Variants in BBS9 observed in about 807,000 individuals in gnomAD.
The protein encoded by BBS9 is protein PTHB1.
BBS9 carries 89 observed loss-of-function variants against 117.7 expected under a neutral mutation model. The ratio of observed to expected loss-of-function variants is 0.76; its 90% CI spans 0.64 to 0.90. BBS9 has a LOEUF of 0.90. Among genes scored for constraint, BBS9 ranks in the 40% least tolerant of loss-of-function variants. The probability of loss-of-function intolerance (pLI) is 0.00; values close to 1 mark genes in which losing one functional copy is unlikely to be tolerated. For missense variants in BBS9, 982 were observed against 1,042.2 expected, an observed-to-expected ratio of 0.94 and a Z score of 0.80; for synonymous variants, 379 against 370.9, an observed-to-expected ratio of 1.02 and a Z score of -0.25.
chr7:33,374,545 AGT>A (rs1823451703), intron 17 of BBS9, among the ~76,000 whole-genome samples: 1 of 152,204 alleles, frequency 6.6e-6, no homozygotes, highest in South Asian at 2.1e-4. Context: ...CCTGTTGAAA[AGT>A]AAGCGTTGAG....
In BBS9 at chr7:33,147,604, C is replaced by T. The variant is rs146552700; in HGVS notation, c.112+1240C>T. Among the ~76,000 whole-genome samples, 97 of 152,282 alleles carry T rather than the reference C, an allele frequency of 6.4e-4. No homozygotes were observed. In the East Asian group the frequency reaches 0.018, roughly 29 times the overall value. ...CCGCTATTTGTTAAAGCATGTGATG[C>T]CCCAGTTATTTGGCCATGTAAGAGT... is the stretch of plus-strand genomic sequence containing the variant. On this transcript the variant is annotated intron_variant, in intron 2 of 22. Coordinates refer to ENST00000242067, the MANE Select transcript of BBS9 (RefSeq NM_198428.3).
chr7:33,340,796 G>T, intron 10 of BBS9, 101 bp from the exon 11 acceptor site: 3 of 915,150 alleles, frequency 3.3e-6, no homozygotes, highest in Non-Finnish European at 5.0e-6. Flanking sequence ...GTATGTTTAT[G>T]GGGTTTTTTT....
At chr7:33,420,086 C>A (rs549237865) in intron 19 of BBS9, among the ~76,000 whole-genome samples, 8 of 152,224 alleles carry the variant, frequency 5.3e-5, no homozygotes, top group Middle Eastern at 3.4e-3. Flanking sequence ...TTATTAATAA[C>A]TGAGATGGGA....
rs150348817 is a variant in BBS9 at position 33,508,609 on chromosome 7, C to T, written c.2298+2964C>T. Reference sequence around the variant, plus strand: ...TGCATATATCTTCCCTTTTTATACACGTGCTTCATTGCTCCATCAGAGTTC... The same window carrying T: ...TGCATATATCTTCCCTTTTTATACATGTGCTTCATTGCTCCATCAGAGTTC... On this transcript the variant is annotated intron_variant, in intron 20 of 22. Transcript: ENST00000242067. 1.1e-3 allele frequency among the ~76,000 whole-genome samples: 173 copies of T among 152,332 alleles called. 1 individual carries two copies. The highest frequency in any genetic ancestry group is 3.4e-3 in the African/African-American group (140 of 41,586).
At chr7:33,357,394 A>C (rs1026835141) in intron 15 of BBS9, among the ~76,000 whole-genome samples, 1 of 151,764 alleles carries the variant, frequency 6.6e-6, no homozygotes, top group Admixed American at 6.6e-5. Context: ...AAAAAAGCTA[A>C]AGATTTAAAA....
chr7:33,130,715 T>A (rs935066202), intron 1 of BBS9, among the ~76,000 whole-genome samples: 3 of 152,032 alleles, frequency 2.0e-5, no homozygotes, highest in Non-Finnish European at 4.4e-5. Context: ...GAGATTTTTT[T>A]CATGAATATA....
chr7:33,238,398 C>T (rs991889993), intron 5 of BBS9, among the ~76,000 whole-genome samples: 8 of 152,242 alleles, frequency 5.3e-5, no homozygotes, highest in African/African-American at 1.7e-4. Flanking sequence ...TCAAGCAATT[C>T]TCCTGCCTCA....
chr7:33,340,818 T>C (rs1230364374), intron 10 of BBS9, 79 bp from the exon 11 acceptor site: 1 of 1,258,190 alleles, frequency 7.9e-7, no homozygotes, highest in Non-Finnish European at 1.1e-6. Context: ...ATATGTGGTA[T>C]AGACAAACCT....
chr7:33,558,833 A>G (rs1855668055), intron 21 of BBS9, among the ~76,000 whole-genome samples: 2 of 152,234 alleles, frequency 1.3e-5, no homozygotes, highest in South Asian at 2.1e-4. Flanking sequence ...GGCTACAGCA[A>G]TAACATTTGA....
chr7:33,445,069 GGAA>G (rs1268104816), intron 19 of BBS9, among the ~76,000 whole-genome samples: 1 of 152,076 alleles, frequency 6.6e-6, no homozygotes, highest in Non-Finnish European at 1.5e-5. Context: ...AGAAAGGAGA[GGAA>G]GAAGAAGAGG....
At chr7:33,476,580 C>G (rs1841831660) in intron 19 of BBS9, among the ~76,000 whole-genome samples, 1 of 152,192 alleles carries the variant, frequency 6.6e-6, no homozygotes, top group Non-Finnish European at 1.5e-5. Flanking sequence ...CTCCCAGTAT[C>G]CCTCCAGCCT....
chr7:33,437,880 A>G lies in BBS9; in HGVS notation c.2115+49736A>G, dbSNP rs1435685074. ...AACAGAGTGAGACTCCGTTGCAAAA[A>G]CAAAACAAATAAAAACCCCACAGCT... On this transcript the variant is annotated intron_variant, in intron 19 of 22. Transcript: ENST00000242067. 2.0e-5 allele frequency among the ~76,000 whole-genome samples: 3 copies of G among 152,318 alleles called. No individual in the cohort carries two copies. The East Asian group carries it at 5.8e-4, about 29-fold the overall frequency.
At chr7:33,562,769 C>A (rs1290076430) in intron 21 of BBS9, among the ~76,000 whole-genome samples, 1 of 151,962 alleles carries the variant, frequency 6.6e-6, no homozygotes, top group Non-Finnish European at 1.5e-5. Flanking sequence ...ACTAAAAATA[C>A]AAAAATTAGC....
chr7:33,164,367 T>A (rs1485004768), intron 4 of BBS9, among the ~76,000 whole-genome samples: 1 of 152,206 alleles, frequency 6.6e-6, no homozygotes, highest in African/African-American at 2.4e-5. Flanking sequence ...ACAGCTGAGT[T>A]CAAGTCCTGG....
In BBS9 at chr7:33,301,833, G is replaced by T. The variant is rs1008710427; in HGVS notation, c.1016+27877G>T. 1.5e-4 allele frequency among the ~76,000 whole-genome samples: 23 copies of T among 152,128 alleles called. 1 individual carries two copies. Among genetic ancestry groups the T allele is most frequent in the African/African-American group, 5.5e-4 (23 of 41,540 alleles). The stretch of plus-strand genomic sequence containing the variant: ...GGATCTTATGGTAGCTCTATTTTTA[G>T]TTTTTTGAGGAACCTCCAAACTGCT... On this transcript the variant is annotated intron_variant, in intron 9 of 22. Coordinates refer to ENST00000242067, the MANE Select transcript of BBS9 (RefSeq NM_198428.3).
chr7:33,526,535 C>T (rs1451144739), intron 20 of BBS9, among the ~76,000 whole-genome samples: 15 of 150,916 alleles, frequency 9.9e-5, no homozygotes, highest in African/African-American at 2.5e-4. Flanking sequence ...TCCAGTTGAT[C>T]ACATCAGCTC....
At chr7:33,280,181 T>A (rs1182985756) in intron 9 of BBS9, among the ~76,000 whole-genome samples, 1 of 152,214 alleles carries the variant, frequency 6.6e-6, no homozygotes, top group Non-Finnish European at 1.5e-5. Context: ...TAAATTTTTT[T>A]AAACATTTAT....
chr7:33,314,248 T>C (rs1413584392), intron 9 of BBS9: 1 of 422,386 alleles, frequency 2.4e-6, no homozygotes, highest in Non-Finnish European at 4.6e-6. Flanking sequence ...TCTTTTTTTT[T>C]TTTTCTTACA....
At chr7:33,418,994 C>T (rs1832450975) in intron 19 of BBS9, among the ~76,000 whole-genome samples, 1 of 152,138 alleles carries the variant, frequency 6.6e-6, no homozygotes. Context: ...CTCCCTGTAG[C>T]ACTTAGCAAA....
Sources: gnomAD v4.1 joint callset for allele counts (sites outside exome capture counted in the v4.1 genomes callset) on GRCh38, gnomAD v4.1.1 for gene constraint, MANE v1.5 for transcripts, NCBI Gene and HGNC (gene_info 2026-07-23, HGNC 2026-07-21) for gene names.